The following ACAN variants were observed in gnomAD, a reference collection of about 807,000 sequenced individuals.
ACAN encodes aggrecan.
Under a neutral mutation model 169.1 loss-of-function variants are expected in ACAN, and 47 were observed. The observed-to-expected ratio is 0.28, with a 90% CI of 0.22 to 0.35. The LOEUF is 0.35. ACAN is among the 10% of genes least tolerant of loss of function. The pLI, the probability that ACAN is intolerant of heterozygous loss-of-function variation, is 1.00. For missense variants in ACAN, 2,716 were observed against 2,759.9 expected, an observed-to-expected ratio of 0.98 and a Z score of 0.36; for synonymous variants, 1,115 against 1,112.2, an observed-to-expected ratio of 1.00 and a Z score of -0.05.
intron 1 of ACAN, among the ~76,000 whole-genome samples, chr15:88,834,334 C>A (rs1896445036): frequency 3.3e-5 from 5 of 152,210 alleles, no homozygotes; most frequent in Admixed American, 3.3e-4. Context: ...ACTCAATCAA[C>A]AGGAAGAAAG....
intron 12 of ACAN, 61 bp downstream of exon 12, chr15:88,859,478 G>C (rs953776796): frequency 1.3e-6 from 2 of 1,548,940 alleles, no homozygotes; most frequent in Non-Finnish European, 1.7e-6. Context: ...GCCTACTGCA[G>C]CACAGAAGGA....
Position 88,873,645 on chromosome 15 carries a change from C to T in ACAN, c.7448-197C>T. On this transcript the variant is annotated intron_variant, in intron 17 of 18. Transcript: ENST00000560601. The surrounding 1 kb of genome is among the most constrained non-coding windows in gnomAD (Gnocchi z 7.5). ...TTAAAGACCACCCCGTTTGTATTCC[C>T]TTCCTGCTGTTCTAAATTGTTGAGG... 1.7e-6 allele frequency: 1 copy of T among 603,268 alleles called. No homozygotes were observed. The highest frequency in any genetic ancestry group is 2.9e-6 in the Non-Finnish European group (1 of 343,152). The allele number at this position is 603,268 out of a possible 1,614,324, so 37.4% of individuals were successfully genotyped here. A position where few individuals can be genotyped will look rare whatever the true frequency, so the allele number is the denominator to read the frequency against.
intron 1 of ACAN, among the ~76,000 whole-genome samples, chr15:88,829,911 G>C (rs183282774): frequency 6.6e-6 from 1 of 152,210 alleles, no homozygotes; most frequent in African/African-American, 2.4e-5. Context: ...CACAGTCTGC[G>C]TGATGAGACA....
chr15:88,826,374 CTTTTTT>C (rs59069149), intron 1 of ACAN, among the ~76,000 whole-genome samples: 3 of 111,586 alleles, frequency 2.7e-5, no homozygotes, highest in Admixed American at 9.8e-5. Context: ...CCTTTTTTTT[CTTTTTT>C]TTTTTTTTTT....
At position 88,857,920 on chromosome 15, in the gene ACAN, C is replaced by G; in HGVS notation, c.5335C>G (p.Pro1779Ala). 6.2e-7 allele frequency: 1 copy of G among 1,613,756 alleles called. No individual in the cohort carries two copies. Among genetic ancestry groups the G allele is most frequent in the Middle Eastern group, 1.6e-4 (1 of 6,062 alleles). ...TGGAGTTCTTTATGGCACTAGTCAA[C>G]CCTTTGGCATAACTGATCTGAGTGG... ...ASGVLYGTSQ[P>A]FGITDLSGET... The change falls in exon 12 of 19, where the codon CCC becomes GCC. Residue 1779 changes from proline (P) to alanine (A), a missense_variant. Physicochemically the swap from Pro to Ala is conservative, Grantham distance 27 (BLOSUM62 -1). This residue lies in a region of ACAN where 1,389 missense variants were observed against 1,363.7 expected (regional missense o/e 1.02). Transcript: ENST00000560601.
At chr15:88,822,523 A>G (rs982939167) in intron 1 of ACAN, among the ~76,000 whole-genome samples, 4 of 151,374 alleles carry the variant, frequency 2.6e-5, no homozygotes, top group Non-Finnish European at 4.4e-5. Flanking sequence ...CTGGAGTGCA[A>G]TGGCGTGATC....
Position 88,866,078 on chromosome 15 carries a change from G to A in ACAN, c.6947-2138G>A, listed in dbSNP as rs1897275870. Among the ~76,000 whole-genome samples the A allele has an allele frequency of 6.6e-6, 1 of 152,092 alleles. No homozygotes were observed. Among genetic ancestry groups the A allele is most frequent in the Admixed American group, 6.6e-5 (1 of 15,264 alleles). On this transcript the variant is annotated intron_variant, in intron 13 of 18. Coordinates refer to ENST00000560601, the MANE Select transcript of ACAN (RefSeq NM_001369268.1). This position sits in a 1 kb window ranked among gnomAD's most constrained non-coding sequence, Gnocchi z 5.6. ...CAGCCTTCTCAGATTTTGTGCCCTG[G>A]TCAAACACAGAAAGAAAGCAACGCT...
Position 88,868,022 on chromosome 15 carries a change from G to T in ACAN, c.6947-194G>T, listed in dbSNP as rs957195640. 6.6e-6 allele frequency among the ~76,000 whole-genome samples: 1 copy of T among 152,158 alleles called. No homozygotes were observed. The highest frequency in any genetic ancestry group is 1.9e-4 in the East Asian group (1 of 5,184). The stretch of plus-strand genomic sequence containing the variant: ...ATCACACACGCCCAAGAAAACCCTT[G>T]TCTGGATCTTTGCTTCAGCACTCCA... On this transcript the variant is annotated intron_variant, in intron 13 of 18. Transcript: ENST00000560601. The surrounding 1 kb of genome is among the most constrained non-coding windows in gnomAD (Gnocchi z 5.2).
intron 1 of ACAN, among the ~76,000 whole-genome samples, chr15:88,829,352 T>A (rs1896302772): frequency 6.6e-6 from 1 of 152,176 alleles, no homozygotes; most frequent in Non-Finnish European, 1.5e-5. Flanking sequence ...ATGAGTTTCC[T>A]GGTGAGTTAG....
chr15:88,851,463 T>A lies in ACAN; in HGVS notation c.2027-331T>A, dbSNP rs977541680. 9 of 224,604 alleles carry A rather than the reference T, an allele frequency of 4.0e-5. No homozygotes were observed. The highest frequency in any genetic ancestry group is 2.0e-4 in the African/African-American group (9 of 43,968). 13.9% of individuals were successfully genotyped at this position (224,604 alleles called of 1,614,324 possible). On this transcript the variant is annotated intron_variant, in intron 10 of 18. Coordinates refer to ENST00000560601, the MANE Select transcript of ACAN (RefSeq NM_001369268.1). The surrounding 1 kb of genome is among the most constrained non-coding windows in gnomAD (Gnocchi z 4.3). ...CTCTGTGCCTCAGTTTCCCCATCTG[T>A]AAAATGAGATAATCATATCTCTCTC...
chr15:88,863,833 C>T lies in ACAN; in HGVS notation c.6946+3394C>T, dbSNP rs1897241495. ...ACAAAGTATGCCTTCTTGACTTAAC[C>T]AAAAAGTTCCTGGGCAGATTTTAAC... On this transcript the variant is annotated intron_variant, in intron 13 of 18. Transcript: ENST00000560601. 2.6e-5 allele frequency among the ~76,000 whole-genome samples: 4 copies of T among 152,222 alleles called. 1 individual carries two copies. The highest frequency in any genetic ancestry group is 6.5e-5 in the Admixed American group (1 of 15,286).
intron 1 of ACAN, among the ~76,000 whole-genome samples, chr15:88,817,142 G>GT (rs2141505906): frequency 6.6e-6 from 1 of 152,030 alleles, no homozygotes; most frequent in African/African-American, 2.4e-5. Context: ...TTTTGTTTTT[G>GT]TTTTTGTTTT....
At chr15:88,862,772 T>A (rs559398196) in intron 13 of ACAN, among the ~76,000 whole-genome samples, 2 of 152,172 alleles carry the variant, frequency 1.3e-5, no homozygotes, top group South Asian at 2.1e-4. Context: ...CCAAGGCGGA[T>A]GGATTGCCTG....
intron 13 of ACAN, among the ~76,000 whole-genome samples, chr15:88,867,022 TC>T (rs1304741131): frequency 2.0e-5 from 3 of 152,230 alleles, no homozygotes; most frequent in East Asian, 3.9e-4. Flanking sequence ...ATTTTACTGA[TC>T]TCCTGGCAAG....
chr15:88,837,577 G>C lies in ACAN; in HGVS notation c.71-1086G>C, dbSNP rs74028473. ...AACCAGTTCATTAGGTTTGAGTGGG[G>C]CTTTAAAAACTGCTGAGCTGGGCAC... On this transcript the variant is annotated intron_variant, in intron 2 of 18. Coordinates refer to ENST00000560601, the MANE Select transcript of ACAN (RefSeq NM_001369268.1). Among the ~76,000 whole-genome samples, 1,011 of 152,256 alleles carry C rather than the reference G, an allele frequency of 6.6e-3. 12 individuals are homozygous for C. The highest frequency in any genetic ancestry group is 0.023 in the African/African-American group (965 of 41,544).
At chr15:88,820,014 C>T (rs903439345) in intron 1 of ACAN, among the ~76,000 whole-genome samples, 1 of 152,152 alleles carries the variant, frequency 6.6e-6, no homozygotes, top group Non-Finnish European at 1.5e-5. Flanking sequence ...CTCTGAGCCT[C>T]TGTCCCCTTG....
intron 1 of ACAN, among the ~76,000 whole-genome samples, chr15:88,826,019 T>C (rs1296648719): frequency 6.6e-6 from 1 of 152,160 alleles, no homozygotes; most frequent in Admixed American, 6.5e-5. Flanking sequence ...AACACCCCTC[T>C]CCCTGTCCCT....
rs935875822 is a variant in ACAN, at chr15:88,807,457, C to T, written c.-8+3648C>T. Among the ~76,000 whole-genome samples the T allele has an allele frequency of 1.1e-4, 16 of 152,138 alleles. No homozygotes were observed. The highest frequency in any genetic ancestry group is 1.0e-4 in the Non-Finnish European group (7 of 68,034). ...TGGGATGAAGGGCCCGTTTCTGTGACAGCTACTTTGGGAGTGGCAGCTCCC... is the reference window on the plus strand; with the variant it reads ...TGGGATGAAGGGCCCGTTTCTGTGATAGCTACTTTGGGAGTGGCAGCTCCC... On this transcript the variant is annotated intron_variant, in intron 1 of 18. Transcript: ENST00000560601. This position sits in a 1 kb window ranked among gnomAD's most constrained non-coding sequence, Gnocchi z 4.0.
chr15:88,832,305 A>G (rs1203692484), intron 1 of ACAN, among the ~76,000 whole-genome samples: 3 of 136,958 alleles, frequency 2.2e-5, no homozygotes, highest in African/African-American at 8.9e-5. Flanking sequence ...AGATACCTTA[A>G]AAAAAAAAAA....
Sources: gnomAD v4.1 joint callset for allele counts (sites outside exome capture counted in the v4.1 genomes callset) on GRCh38, gnomAD v4.1.1 for gene constraint, gnomAD v4.1.1 regional missense constraint, Gnocchi (gnomAD v3.1) non-coding constraint, MANE v1.5 for transcripts, NCBI Gene and HGNC (gene_info 2026-07-23, HGNC 2026-07-21) for gene names.